Variants in PCDH15 observed in about 807,000 individuals in gnomAD.
PCDH15 encodes the protein protocadherin-15.
A neutral mutation model predicts 178.5 loss-of-function variants in PCDH15; 129 were observed. The observed-to-expected ratio is 0.72, with a 90% confidence interval of 0.63 to 0.84. PCDH15 has a LOEUF of 0.84. Among genes scored for constraint, PCDH15 ranks in the 40% least tolerant of loss-of-function variants. The pLI, the probability that PCDH15 is intolerant of heterozygous loss-of-function variation, is 0.00. For synonymous variants in PCDH15, 800 were observed against 732.0 expected (o/e 1.09, Z -1.50); for missense variants, 2,230 against 2,099.9 (o/e 1.06, Z -1.21).
At chr10:55,143,698 G>A (rs1936456) in intron 2 of PCDH15, among the ~76,000 whole-genome samples, 146,760 of 152,048 alleles carry the variant, frequency 0.97, 71,013 homozygotes, top group Non-Finnish European at 1. Context: ...ACCAGTAATT[G>A]CATAGCACTT....
intron 9 of PCDH15, among the ~76,000 whole-genome samples, chr10:54,222,968 A>G (rs2053013125): frequency 1.3e-5 from 2 of 152,178 alleles, no homozygotes; most frequent in Non-Finnish European, 2.9e-5. Flanking sequence ...ACTTTGATGA[A>G]GTCAAATTTT....
At chr10:54,213,673 T>A (rs921344090) in intron 10 of PCDH15, among the ~76,000 whole-genome samples, 1 of 152,168 alleles carries the variant, frequency 6.6e-6, no homozygotes, top group Non-Finnish European at 1.5e-5. Context: ...TTGTGTAGAA[T>A]TGTATACGCT....
At chr10:54,579,611 T>A (rs1394039008) in intron 2 of PCDH15, among the ~76,000 whole-genome samples, 1 of 152,022 alleles carries the variant, frequency 6.6e-6, no homozygotes, top group African/African-American at 2.4e-5. Context: ...TGGACTTAAA[T>A]TTGACACTTC....
intron 8 of PCDH15, 50 bp downstream of exon 8, chr10:54,317,221 T>G: frequency 6.4e-7 from 1 of 1,565,956 alleles, no homozygotes; most frequent in Non-Finnish European, 8.8e-7. Flanking sequence ...CATGATCCCA[T>G]TGGGTTTTAA....
intron 2 of PCDH15, among the ~76,000 whole-genome samples, chr10:55,534,682 A>G (rs1323387654): frequency 6.6e-6 from 1 of 152,078 alleles, no homozygotes; most frequent in East Asian, 1.9e-4. Context: ...TTAAAAACAG[A>G]GCTGCATTAG....
At chr10:54,960,831 G>A (rs60700946) in intron 2 of PCDH15, among the ~76,000 whole-genome samples, 2 of 152,120 alleles carry the variant, frequency 1.3e-5, no homozygotes. Flanking sequence ...TGTACAGAAA[G>A]ATAGTAATAT....
At chr10:55,573,506 T>C (rs1000184913) in intron 2 of PCDH15, among the ~76,000 whole-genome samples, 1 of 152,114 alleles carries the variant, frequency 6.6e-6, no homozygotes, top group Non-Finnish European at 1.5e-5. Flanking sequence ...CTTTATTGTA[T>C]ATTAGGGAAT....
intron 2 of PCDH15, among the ~76,000 whole-genome samples, chr10:54,644,042 C>A (rs1227618429): frequency 5.3e-5 from 7 of 131,216 alleles, no homozygotes; most frequent in African/African-American, 2.0e-4. Flanking sequence ...TTGTTCAATT[C>A]CCACCTATGA....
At chr10:54,295,415 G>A (rs139904682) in intron 8 of PCDH15, among the ~76,000 whole-genome samples, 97 of 152,280 alleles carry the variant, frequency 6.4e-4, no homozygotes, top group African/African-American at 2.1e-3. Context: ...CAACCTGCTC[G>A]GATCCCCTTC....
chr10:54,515,207 G>A (rs1589819702), intron 3 of PCDH15, among the ~76,000 whole-genome samples: 2 of 152,232 alleles, frequency 1.3e-5, no homozygotes, highest in Admixed American at 1.3e-4. Flanking sequence ...CAAGGGGTCA[G>A]GGAATTCCCT....
chr10:54,214,181 A>G, intron 9 of PCDH15, 133 bp from the exon 10 acceptor site: 1 of 610,436 alleles, frequency 1.6e-6, no homozygotes, highest in East Asian at 3.1e-5. Flanking sequence ...ACAATTATGC[A>G]GTTCAGGGAA....
rs987287697 is a variant in PCDH15 at position 54,355,764 on chromosome 10, G to C, written c.475-9280C>G. Among the ~76,000 whole-genome samples, 9 of 151,906 alleles carry C rather than the reference G, an allele frequency of 5.9e-5. 1 individual carries two copies. Among genetic ancestry groups the C allele is most frequent in the Non-Finnish European group, 2.9e-5 (2 of 67,892 alleles). On this transcript the variant is annotated intron_variant, in intron 5 of 37. Transcript: ENST00000644397. ...TAATTATTACTGTCAGAAAAAAATT[G>C]GTTCTCAGCAAGCAAATTATTTAAT...
At chr10:54,583,087 AT>A (rs774141835) in intron 2 of PCDH15, among the ~76,000 whole-genome samples, 7 of 152,196 alleles carry the variant, frequency 4.6e-5, no homozygotes, top group Non-Finnish European at 1.0e-4. Context: ...TTCTTACACT[AT>A]CCTGAATTTT....
intron 2 of PCDH15, among the ~76,000 whole-genome samples, chr10:55,487,508 T>C (rs1840321064): frequency 6.6e-6 from 1 of 151,730 alleles, no homozygotes; most frequent in Non-Finnish European, 1.5e-5. Flanking sequence ...CTACCTCTCA[T>C]AGCATCTATC....
At chr10:54,189,350 C>A in intron 11 of PCDH15, 1 of 1,570,528 alleles carries the variant, frequency 6.4e-7, no homozygotes, top group Non-Finnish European at 8.7e-7. Flanking sequence ...ACAAGCTTAA[C>A]ACCTAGTACC....
chr10:55,336,881 A>G (rs969967821), intron 2 of PCDH15, among the ~76,000 whole-genome samples: 13 of 152,158 alleles, frequency 8.5e-5, no homozygotes, highest in African/African-American at 2.9e-4. Flanking sequence ...TTTTTGTTAT[A>G]CGGGAGTCTC....
chr10:55,470,910 A>G (rs1455792174), intron 2 of PCDH15, among the ~76,000 whole-genome samples: 1 of 151,810 alleles, frequency 6.6e-6, no homozygotes, highest in Non-Finnish European at 1.5e-5. Context: ...TTGGAATCTT[A>G]GAATATGTAG....
intron 2 of PCDH15, among the ~76,000 whole-genome samples, chr10:55,494,952 AT>A (rs1840499394): frequency 6.6e-6 from 1 of 151,846 alleles, no homozygotes; most frequent in Non-Finnish European, 1.5e-5. Flanking sequence ...GGAATTATAA[AT>A]TTATAAATAA....
intron 3 of PCDH15, among the ~76,000 whole-genome samples, chr10:54,858,869 A>G (rs1347410624): frequency 6.6e-6 from 1 of 152,094 alleles, no homozygotes; most frequent in Non-Finnish European, 1.5e-5. Flanking sequence ...ATTTGAAAAC[A>G]ATAACTACTG....
Sources: gnomAD v4.1 joint callset for allele counts (sites outside exome capture counted in the v4.1 genomes callset) on GRCh38, gnomAD v4.1.1 for gene constraint, MANE v1.5 for transcripts, NCBI Gene and HGNC (gene_info 2026-07-23, HGNC 2026-07-21) for gene names.